Variants in KIAA1549 observed in about 807,000 individuals in gnomAD.
KIAA1549 encodes KIAA1549, also known as UPF0606 protein KIAA1549.
KIAA1549 carries 70 observed loss-of-function variants against 156.4 expected under a neutral mutation model. That is an observed-to-expected ratio of 0.45 (90% CI 0.37 to 0.55). The LOEUF (loss-of-function observed/expected upper bound fraction) is 0.55, where lower values mean the gene tolerates loss of function less well. KIAA1549 is among the 20% of genes least tolerant of loss of function. The pLI is 0.00. For synonymous variants in KIAA1549, 1,103 were observed against 1,066.4 expected, an observed-to-expected ratio of 1.03 and a Z score of -0.67; for missense variants, 2,428 against 2,540.9, an observed-to-expected ratio of 0.96 and a Z score of 0.96.
chr7:138,886,848 A>G (rs760256646), intron 10 of KIAA1549, among the ~76,000 whole-genome samples: 1 of 152,124 alleles, frequency 6.6e-6, no homozygotes, highest in Non-Finnish European at 1.5e-5. Context: ...CTGCATGCCC[A>G]TTATTATTTA....
intron 11 of KIAA1549, 52 bp downstream of exon 11, chr7:138,881,336 T>C (rs1330290934): frequency 8.4e-6 from 13 of 1,548,054 alleles, no homozygotes; most frequent in Non-Finnish European, 1.1e-5. Flanking sequence ...CACAGCCTGA[T>C]AACAGAAGCA....
At chr7:138,914,115 C>T (rs1379299037) in intron 2 of KIAA1549, among the ~76,000 whole-genome samples, 2 of 151,990 alleles carry the variant, frequency 1.3e-5, no homozygotes, top group Non-Finnish European at 2.9e-5. Context: ...AACAGAAAAT[C>T]CCTAAATAGG....
Position 138,855,285 on chromosome 7 carries a change from C to G in KIAA1549, c.5248-3016G>C, listed in dbSNP as rs1810354451. Among the ~76,000 whole-genome samples, 3 of 152,220 alleles carry G rather than the reference C, an allele frequency of 2.0e-5. No individual in the cohort carries two copies. In the South Asian group the frequency reaches 6.2e-4, roughly 32 times the overall value. On this transcript the variant is annotated intron_variant, in intron 16 of 19. Transcript: ENST00000422774. ...CCTCTTTTCCAGTCCTCCTGTCACCCTGAGATGCATCCAAGGCGTTGGACC... is the reference window on the plus strand; with the variant it reads ...CCTCTTTTCCAGTCCTCCTGTCACCGTGAGATGCATCCAAGGCGTTGGACC...
intron 10 of KIAA1549, among the ~76,000 whole-genome samples, chr7:138,883,112 AAAAAAT>A (rs1563061946): frequency 2.4e-5 from 3 of 125,574 alleles, no homozygotes; most frequent in Admixed American, 7.2e-5. Context: ...AAAAAAAAAA[AAAAAAT>A]TCAGCCAGAC....
intron 1 of KIAA1549, among the ~76,000 whole-genome samples, chr7:138,968,532 C>T (rs1392897561): frequency 1.3e-5 from 2 of 151,970 alleles, no homozygotes; most frequent in African/African-American, 2.4e-5. Context: ...CTAGTACATC[C>T]CAAGTATAAA....
At chr7:138,866,247 CG>C (rs757727387) in intron 15 of KIAA1549, among the ~76,000 whole-genome samples, 149 of 152,150 alleles carry the variant, frequency 9.8e-4, no homozygotes, top group Non-Finnish European at 1.9e-3. Context: ...CTAGAAATAC[CG>C]TAAGTTCCTA....
rs995475597 is a variant in KIAA1549, at chr7:138,837,014, A to G, written c.*892T>C. 1 of 229,098 alleles carries G rather than the reference A, an allele frequency of 4.4e-6. No homozygotes were observed. Among genetic ancestry groups the G allele is most frequent in the African/African-American group, 2.2e-5 (1 of 45,156 alleles). 14.2% of individuals were successfully genotyped at this position (229,098 alleles called of 1,614,324 possible). A position where few individuals can be genotyped will look rare whatever the true frequency, so the allele number is the denominator to read the frequency against. ...TCAGTTAGGACCTCTTGAAAGCCGC[A>G]TTCTACAGGATCGGCCTTAGCGATC... On this transcript the variant is annotated 3_prime_UTR_variant, in exon 20 of 20. Coordinates refer to ENST00000422774, the MANE Select transcript of KIAA1549 (RefSeq NM_001164665.2).
intron 13 of KIAA1549, among the ~76,000 whole-genome samples, chr7:138,870,365 C>T (rs1209706795): frequency 2.6e-5 from 4 of 152,242 alleles, no homozygotes; most frequent in Non-Finnish European, 4.4e-5. Context: ...AAAAGTCACT[C>T]GAACCTTGGA....
At chr7:138,969,318 C>A (rs901492104) in intron 1 of KIAA1549, among the ~76,000 whole-genome samples, 4 of 152,192 alleles carry the variant, frequency 2.6e-5, no homozygotes, top group Admixed American at 1.3e-4. Context: ...CCTTGCCATC[C>A]TTCTACTTCC....
rs141812774 is a variant in KIAA1549, at chr7:138,977,460, A to C, written c.187+3623T>G. Among the ~76,000 whole-genome samples the C allele has an allele frequency of 4.3e-4, 66 of 152,308 alleles. No individual in the cohort carries two copies. The East Asian group carries it at 0.012, about 27-fold the overall frequency. On this transcript the variant is annotated intron_variant, in intron 1 of 19. Transcript: ENST00000422774. Reference sequence around the variant, plus strand: ...GAAGTGAATACTCAATGCAAGTGATAATGGAAGGCCCCTGCGTAAGCTTCA... The same window carrying C: ...GAAGTGAATACTCAATGCAAGTGATCATGGAAGGCCCCTGCGTAAGCTTCA...
chr7:138,846,412 G>A (rs1041514825), intron 17 of KIAA1549, among the ~76,000 whole-genome samples: 3 of 151,384 alleles, frequency 2.0e-5, no homozygotes, highest in African/African-American at 7.3e-5. Flanking sequence ...GCGCGCACAA[G>A]TAATCCAGAT....
chr7:138,879,709 A>T, intron 11 of KIAA1549, 56 bp from the exon 12 acceptor site: 1 of 1,068,346 alleles, frequency 9.4e-7, no homozygotes. Flanking sequence ...GAAAAGGAAA[A>T]AGTCCCATTA....
chr7:138,944,275 G>A (rs1813279316), intron 1 of KIAA1549, among the ~76,000 whole-genome samples: 3 of 152,172 alleles, frequency 2.0e-5, no homozygotes, highest in South Asian at 4.1e-4. Flanking sequence ...TCACTCAAAA[G>A]CCACATAATT....
At chr7:138,868,617 G>A (rs917368777) in intron 14 of KIAA1549, among the ~76,000 whole-genome samples, 2 of 152,110 alleles carry the variant, frequency 1.3e-5, no homozygotes, top group African/African-American at 4.8e-5. Flanking sequence ...TAGTAGAGAC[G>A]GGGTTTCACC....
Position 138,907,021 on chromosome 7 carries a change from G to T in KIAA1549, c.3358C>A (p.Gln1120Lys), listed in dbSNP as rs1211384777. 1 of 1,613,650 alleles carries T rather than the reference G, an allele frequency of 6.2e-7. No homozygotes were observed. The highest frequency in any genetic ancestry group is 2.2e-5 in the East Asian group (1 of 44,872). The part of the protein sequence containing the change: ...VNIIFAVKST[Q>K]GFLNGSEVSE... ...ACTTCCGACCCATTCAAAAATCCCT[G>T]TGTGCTTTTAACCGCAAAGATGATA... The change falls in exon 6 of 20, where the codon CAG becomes AAG. Residue 1120 changes from glutamine (Q) to lysine (K), a missense_variant. By Grantham distance (53) the Gln-to-Lys change is moderately conservative (BLOSUM62 1). This residue lies in a region of KIAA1549 where 762 missense variants were observed against 901.6 expected (regional missense o/e 0.85). Coordinates refer to ENST00000422774, the MANE Select transcript of KIAA1549 (RefSeq NM_001164665.2).
rs1230809015 is a variant in KIAA1549 at position 138,833,678 on chromosome 7, C to A, written c.*4228G>T. ...ATAGATAGATAGACAGATACATAGA[C>A]AGACAGACAGATAGATAACCCACTA... On this transcript the variant is annotated 3_prime_UTR_variant, in exon 20 of 20. Transcript: ENST00000422774. The A allele has an allele frequency of 8.6e-6, 2 of 232,498 alleles. No homozygotes were observed. Among genetic ancestry groups the A allele is most frequent in the Non-Finnish European group, 1.7e-5 (2 of 117,720 alleles). 14.4% of individuals were successfully genotyped at this position (232,498 alleles called of 1,614,324 possible). A position where few individuals can be genotyped will look rare whatever the true frequency, so the allele number is the denominator to read the frequency against.
chr7:138,969,510 CATTTGCAAAA>C (rs1200190791), intron 1 of KIAA1549, among the ~76,000 whole-genome samples: 1 of 152,206 alleles, frequency 6.6e-6, no homozygotes, highest in African/African-American at 2.4e-5. Flanking sequence ...GGCTAGACCA[CATTTGCAAAA>C]ATTTGTTTAT....
Position 138,881,475 on chromosome 7 carries a change from A to G in KIAA1549, c.4142T>C (p.Leu1381Pro). Residue 1381 changes from leucine (L) to proline (P), a missense_variant, in exon 11 of 20, where the codon CTG becomes CCG. Physicochemically the swap from Leu to Pro is moderately conservative, Grantham distance 98. This residue lies in a region of KIAA1549 where 762 missense variants were observed against 901.6 expected (regional missense o/e 0.85). Coordinates refer to ENST00000422774, the MANE Select transcript of KIAA1549 (RefSeq NM_001164665.2). ...TTCCGAGGGCGTGGTGTGGTCCTTC[A>G]GAGGTCCTGGCAGTGGCGCTGGCTC... ...IHEPAPLPGP[L>P]KDHTTPSENG... The G allele has an allele frequency of 1.9e-6, 3 of 1,614,048 alleles. No homozygotes were observed. Among genetic ancestry groups the G allele is most frequent in the Non-Finnish European group, 2.5e-6 (3 of 1,179,888 alleles).
chr7:138,875,224 C>A (rs1162204794), intron 12 of KIAA1549, among the ~76,000 whole-genome samples: 1 of 152,030 alleles, frequency 6.6e-6, no homozygotes, highest in East Asian at 1.9e-4. Flanking sequence ...ATCACAATGT[C>A]CCCCATAAAT....
Sources: gnomAD v4.1 joint callset for allele counts (sites outside exome capture counted in the v4.1 genomes callset) on GRCh38, gnomAD v4.1.1 for gene constraint, gnomAD v4.1.1 regional missense constraint, MANE v1.5 for transcripts, NCBI Gene and HGNC (gene_info 2026-07-23, HGNC 2026-07-21) for gene names.